Variants in BCL9L observed in about 807,000 individuals in gnomAD.
The protein encoded by BCL9L is BCL9 like.
Under a neutral mutation model 99.4 loss-of-function variants are expected in BCL9L, and 19 were observed. That is an observed-to-expected ratio of 0.19 (90% confidence interval 0.13 to 0.28). The LOEUF (loss-of-function observed/expected upper bound fraction) is 0.28. Among genes scored for constraint, BCL9L ranks in the 10% least tolerant of loss-of-function variants. The probability of loss-of-function intolerance (pLI) is 1.00; values close to 1 mark genes in which losing one functional copy is unlikely to be tolerated. For synonymous variants in BCL9L, 900 were observed against 854.8 expected, an observed-to-expected ratio of 1.05 and a Z score of -0.92; for missense variants, 2,023 against 2,101.6, an observed-to-expected ratio of 0.96 and a Z score of 0.73.
Position 118,902,790 on chromosome 11 carries a change from G to A in BCL9L, c.953C>T (p.Pro318Leu), listed in dbSNP as rs764789241. The part of the protein sequence containing the change: ...PPPPPAPGSA[P>L]PALPPEGPPE... ...AGGCCCCTCTGGGGGCAGAGCAGGC[G>A]GGGCACTGCCAGGGGCCGGGGGTGG... The change falls in exon 8 of 10, where the codon CCG becomes CTG. Residue 318 changes from proline to leucine, a missense_variant. Coordinates refer to ENST00000683865, the MANE Select transcript of BCL9L (RefSeq NM_001378213.1). The surrounding 1 kb of genome is among the most constrained non-coding windows in gnomAD (Gnocchi z 7.8). 3.8e-6 allele frequency: 6 copies of A among 1,568,272 alleles called. No individual in the cohort carries two copies. The highest frequency in any genetic ancestry group is 3.4e-5 in the South Asian group (3 of 87,152).
chr11:118,909,893 C>G, intron 3 of BCL9L, 21 bp downstream of exon 3: 1 of 1,614,082 alleles, frequency 6.2e-7, no homozygotes, highest in African/African-American at 1.3e-5. Flanking sequence ...ACACATCCCA[C>G]CCGCCACGAC....
At chr11:118,908,957 C>A (rs1301918655) in intron 3 of BCL9L, among the ~76,000 whole-genome samples, 1 of 152,180 alleles carries the variant, frequency 6.6e-6, no homozygotes, top group Non-Finnish European at 1.5e-5. Flanking sequence ...CCAAAACACC[C>A]ATCAGCCTGC....
chr11:118,899,083 G>C lies in BCL9L; in HGVS notation c.3832C>G (p.Gln1278Glu). ...NQPPGPMPPQ[Q>E]HLMGKAMAGR... The stretch of plus-strand genomic sequence containing the variant: ...GCCATGGCTTTGCCCATCAGGTGCT[G>C]CTGGGGAGGCATGGGGCCTGGCGGC... The change falls in exon 10 of 10, where the codon CAG becomes GAG. Residue 1278 changes from glutamine to glutamate, a missense_variant. Transcript: ENST00000683865. 6.2e-7 allele frequency: 1 copy of C among 1,602,244 alleles called. No individual in the cohort carries two copies. The highest frequency in any genetic ancestry group is 8.5e-7 in the Non-Finnish European group (1 of 1,174,598).
chr11:118,902,552 C>T lies in BCL9L; in HGVS notation c.1191G>A (p.Glu397=), dbSNP rs140994690. ...GNGQRSLVGS[E]GLSKEQLEHR... ...GCTCCAGCTGCTCTTTGGACAAGCC[C>T]TCTGAGCCCACCAGGCTGCGCTGCC... The change falls in exon 8 of 10, where the codon GAG becomes GAA. Residue 397 remains glutamate, a synonymous_variant. Coordinates refer to ENST00000683865, the MANE Select transcript of BCL9L (RefSeq NM_001378213.1). The surrounding 1 kb of genome is among the most constrained non-coding windows in gnomAD (Gnocchi z 7.8). The T allele has an allele frequency of 2.5e-6, 4 of 1,602,344 alleles. No homozygotes were observed. The highest frequency in any genetic ancestry group is 2.2e-5 in the South Asian group (2 of 91,090).
chr11:118,911,378 G>A (rs1365263492), intron 2 of BCL9L: 2 of 431,628 alleles, frequency 4.6e-6, no homozygotes, highest in African/African-American at 4.0e-5. Flanking sequence ...CCACCCTGCG[G>A]GAGTCTAACC....
Position 118,902,051 on chromosome 11 carries a change from G to A in BCL9L, c.1692C>T (p.Tyr564=), listed in dbSNP as rs765919472. ...GCCACTGATCCCCAGGCTTGCTGTG[G>A]TAAGGAGGCGGGGGCCCCCTCACCA... ...GMMVRGPPPP[Y]HSKPGDQWPP... Residue 564 remains tyrosine (Y), a synonymous_variant, in exon 8 of 10, where the codon TAC becomes TAT. Coordinates refer to ENST00000683865, the MANE Select transcript of BCL9L (RefSeq NM_001378213.1). The surrounding 1 kb of genome is among the most constrained non-coding windows in gnomAD (Gnocchi z 7.8). 3 of 1,614,072 alleles carry A rather than the reference G, an allele frequency of 1.9e-6. 1 individual carries two copies. The highest frequency in any genetic ancestry group is 2.5e-6 in the Non-Finnish European group (3 of 1,180,008).
At chr11:118,923,484 T>C (rs1195089864) in intron 1 of BCL9L, among the ~76,000 whole-genome samples, 1 of 152,088 alleles carries the variant, frequency 6.6e-6, no homozygotes, top group Non-Finnish European at 1.5e-5. Flanking sequence ...AGGCGCTAGA[T>C]TTCTGTGGAC....
At chr11:118,911,128 C>G (rs1366654240) in intron 2 of BCL9L, 1 of 420,986 alleles carries the variant, frequency 2.4e-6, no homozygotes, top group Non-Finnish European at 4.8e-6. Context: ...GATACAGCAA[C>G]AGACTTACAC....
At position 118,922,778 on chromosome 11, in the gene BCL9L, G is replaced by C. The variant is rs1241895189; in HGVS notation, c.-131+2460C>G. 1.3e-5 allele frequency among the ~76,000 whole-genome samples: 2 copies of C among 152,094 alleles called. No individual in the cohort carries two copies. Among genetic ancestry groups the C allele is most frequent in the East Asian group, 1.9e-4 (1 of 5,192 alleles). ...GGATGCCATTCCCCTGTCACCCCTG[G>C]GTGCCCAGGCTCTTGAGCTACCTCA... On this transcript the variant is annotated intron_variant, in intron 1 of 9. Transcript: ENST00000683865. This position sits in a 1 kb window ranked among gnomAD's most constrained non-coding sequence, Gnocchi z 6.2.
chr11:118,904,533 G>A (rs1279737373), intron 5 of BCL9L, among the ~76,000 whole-genome samples: 1 of 152,200 alleles, frequency 6.6e-6, no homozygotes, highest in Non-Finnish European at 1.5e-5. Flanking sequence ...GCTGCCCTCA[G>A]CACCAAGGGA....
Position 118,896,323 on chromosome 11 carries a change from G to A in BCL9L, c.*2092C>T, listed in dbSNP as rs900068283. ...TTTATATAATGGTACAAAATGGCTG[G>A]GGGTGTGGCCATGGATGGAGGGAAG... On this transcript the variant is annotated 3_prime_UTR_variant, in exon 10 of 10. Transcript: ENST00000683865. The A allele has an allele frequency of 1.3e-5, 2 of 155,398 alleles. No homozygotes were observed. Among genetic ancestry groups the A allele is most frequent in the African/African-American group, 4.8e-5 (2 of 41,354 alleles). The allele number at this position is 155,398 out of a possible 1,614,324, so 9.6% of individuals were successfully genotyped here.
chr11:118,907,339 A>G lies in BCL9L; in HGVS notation c.532+144T>C, dbSNP rs551865795. The stretch of plus-strand genomic sequence containing the variant: ...GGCAGAGGCGAGGCAGTTGCAGTGT[A>G]GGGAGGGACAGAGTCTGAGAGGTAG... On this transcript the variant is annotated intron_variant, in intron 5 of 9. Transcript: ENST00000683865. 1.7e-5 allele frequency: 23 copies of G among 1,386,942 alleles called. No homozygotes were observed. The East Asian group carries it at 4.8e-4, about 29-fold the overall frequency. The allele number at this position is 1,386,942 out of a possible 1,614,324, so 85.9% of individuals were successfully genotyped here. A position where few individuals can be genotyped will look rare whatever the true frequency, so the allele number is the denominator to read the frequency against.
intron 5 of BCL9L, among the ~76,000 whole-genome samples, chr11:118,904,889 T>C (rs1248469389): frequency 2.0e-5 from 3 of 152,138 alleles, no homozygotes; most frequent in African/African-American, 7.2e-5. Flanking sequence ...GCCAGAAATT[T>C]GCGGGGGAGC....
At chr11:118,907,758 C>T (rs188475290) in intron 4 of BCL9L, among the ~76,000 whole-genome samples, 156 bp from the exon 5 acceptor site, 104 of 152,356 alleles carry the variant, frequency 6.8e-4, no homozygotes, top group African/African-American at 2.3e-3. Context: ...GCCCCCACCA[C>T]GCCACCATTT....
In BCL9L at chr11:118,899,406, G is replaced by C. The variant is rs745744054; in HGVS notation, c.3509C>G (p.Pro1170Arg). 26 of 1,590,832 alleles carry C rather than the reference G, an allele frequency of 1.6e-5. No homozygotes were observed. The highest frequency in any genetic ancestry group is 2.1e-5 in the Non-Finnish European group (25 of 1,170,592). ...GGGGGAGGGCAGCATGGCGGGCGGG[G>C]GCTCATGGGACAGGGGCTGCTGGCC... Reference protein sequence around the residue: ...LPGQQPLSHEPPPAMLPSPTP... With the variant: ...LPGQQPLSHERPPAMLPSPTP... Residue 1170 changes from proline (P) to arginine (R), a missense_variant, in exon 10 of 10, where the codon CCC becomes CGC. Pro to Arg is a moderately radical substitution (Grantham distance 103). Around this residue, in one of 3 missense-constraint regions of BCL9L, gnomAD observed 902 missense variants for 888.2 expected, o/e 1.02. Transcript: ENST00000683865.
Position 118,897,735 on chromosome 11 carries a change from G to A in BCL9L, c.*680C>T, listed in dbSNP as rs758291010. 12 of 448,020 alleles carry A rather than the reference G, an allele frequency of 2.7e-5. No individual in the cohort carries two copies. The highest frequency in any genetic ancestry group is 1.9e-4 in the South Asian group (12 of 63,620). 27.8% of individuals were successfully genotyped at this position (448,020 alleles called of 1,614,324 possible). On this transcript the variant is annotated 3_prime_UTR_variant, in exon 10 of 10. Coordinates refer to ENST00000683865, the MANE Select transcript of BCL9L (RefSeq NM_001378213.1). ...ATGGAGGGAGCAATAACTTGAAGAA[G>A]GGGGGAAGGGTTTCTTTTATCCTTT... is the stretch of plus-strand genomic sequence containing the variant.
At chr11:118,907,346 G>A in intron 5 of BCL9L, 137 bp downstream of exon 5, 1 of 1,436,066 alleles carries the variant, frequency 7.0e-7, no homozygotes, top group Non-Finnish European at 9.5e-7. Context: ...TGTAGGGAGG[G>A]ACAGAGTCTG....
At position 118,900,922 on chromosome 11, in the gene BCL9L, G is replaced by A. The variant is rs1224643713; in HGVS notation, c.2821C>T (p.His941Tyr). 2 of 1,575,478 alleles carry A rather than the reference G, an allele frequency of 1.3e-6. No individual in the cohort carries two copies. Among genetic ancestry groups the A allele is most frequent in the South Asian group, 1.2e-5 (1 of 84,612 alleles). ...GAGGGCGAGGTGACCAGGGGTGAGTGCACCTGGCTAAGGGTGGGCGACTTC... is the reference window on the plus strand; with the variant it reads ...GAGGGCGAGGTGACCAGGGGTGAGTACACCTGGCTAAGGGTGGGCGACTTC... ...HLKSPTLSQV[H>Y]SPLVTSPSAN... Residue 941 changes from histidine (H) to tyrosine (Y), a missense_variant, in exon 8 of 10, where the codon CAC (histidine) becomes TAC (tyrosine). By Grantham distance (83) the His-to-Tyr change is moderately conservative. Transcript: ENST00000683865. This position sits in a 1 kb window ranked among gnomAD's most constrained non-coding sequence, Gnocchi z 5.3.
At position 118,898,714 on chromosome 11, in the gene BCL9L, C is replaced by T. The variant is rs754118127; in HGVS notation, c.4201G>A (p.Gly1401Ser). The T allele has an allele frequency of 4.3e-6, 7 of 1,612,620 alleles. No homozygotes were observed. In the South Asian group the frequency reaches 4.4e-5, roughly 10 times the overall value. ...TGCTGTGGGGGCACGCCTGTCCTGC[C>T]CAGCAAGGACATCTGTCCAGGGTGG... ...MCHPGQMSLL[G>S]RTGVPPQQGM... The change falls in exon 10 of 10, where the codon GGC becomes AGC. Residue 1401 changes from glycine (G) to serine (S), a missense_variant. Around this residue, in one of 3 missense-constraint regions of BCL9L, gnomAD observed 902 missense variants for 888.2 expected, o/e 1.02. Transcript: ENST00000683865.
Sources: gnomAD v4.1 joint callset for allele counts (sites outside exome capture counted in the v4.1 genomes callset) on GRCh38, gnomAD v4.1.1 for gene constraint, gnomAD v4.1.1 regional missense constraint, Gnocchi (gnomAD v3.1) non-coding constraint, MANE v1.5 for transcripts, NCBI Gene and HGNC (gene_info 2026-07-23, HGNC 2026-07-21) for gene names.